The following GPRC5A variants were observed in gnomAD, a reference collection of about 807,000 sequenced individuals.
GPRC5A encodes G protein-coupled receptor class C group 5 member A.
A neutral mutation model predicts 22.5 loss-of-function variants in GPRC5A; 19 were observed. The ratio of observed to expected loss-of-function variants is 0.85; its 90% CI spans 0.59 to 1.24. GPRC5A has a LOEUF of 1.24. Ranked by LOEUF, GPRC5A falls within the 50% of genes most tolerant of loss-of-function variation. The pLI is 0.00. For synonymous variants in GPRC5A, 192 were observed against 184.5 expected, an observed-to-expected ratio of 1.04 and a Z score of -0.33; for missense variants, 471 against 451.1, an observed-to-expected ratio of 1.04 and a Z score of -0.40.
At position 12,913,607 on chromosome 12, in the gene GPRC5A, G is replaced by A. The variant is rs939068498; in HGVS notation, c.*1068G>A. The A allele has an allele frequency of 1.3e-5, 2 of 152,180 alleles. No individual in the cohort carries two copies. The highest frequency in any genetic ancestry group is 4.8e-5 in the African/African-American group (2 of 41,430). 9.4% of individuals were successfully genotyped at this position (152,180 alleles called of 1,614,324 possible). On this transcript the variant is annotated 3_prime_UTR_variant, in exon 4 of 4. Coordinates refer to ENST00000014914, the MANE Select transcript of GPRC5A (RefSeq NM_003979.4). ...TCATTGTATAATAAGTTATTCACCT[G>A]AGTATGCAATAAAGATGTGGTGGCC...
At chr12:12,904,026 G>A (rs1384205137) in intron 1 of GPRC5A, among the ~76,000 whole-genome samples, 1 of 152,234 alleles carries the variant, frequency 6.6e-6, no homozygotes, top group East Asian at 1.9e-4. Flanking sequence ...GGGGCAGGGA[G>A]AGGGAGAGAT....
At chr12:12,903,136 C>T (rs1454903967) in intron 1 of GPRC5A, among the ~76,000 whole-genome samples, 1 of 151,994 alleles carries the variant, frequency 6.6e-6, no homozygotes, top group Non-Finnish European at 1.5e-5. Context: ...ATGTCTGAGA[C>T]TTGCTTAAAA....
At position 12,909,067 on chromosome 12, in the gene GPRC5A, A is replaced by T. The variant is rs762864009; in HGVS notation, c.818A>T (p.Asn273Ile). The stretch of plus-strand genomic sequence containing the variant: ...TTTTGGCTGCTCACAAAGCAACGAA[A>T]CCCCATGGATTATCCTGTTGAGGAT... The part of the protein sequence containing the change: ...PEFWLLTKQR[N>I]PMDYPVEDAF... Residue 273 changes from asparagine (N) to isoleucine (I), a missense_variant, in exon 2 of 4, where the codon AAC becomes ATC. Asn to Ile is a moderately radical substitution (Grantham distance 149). Coordinates refer to ENST00000014914, the MANE Select transcript of GPRC5A (RefSeq NM_003979.4). The T allele has an allele frequency of 1.2e-6, 2 of 1,606,706 alleles. No individual in the cohort carries two copies. The highest frequency in any genetic ancestry group is 2.7e-5 in the African/African-American group (2 of 74,402).
rs1671177882 is a variant in GPRC5A, at chr12:12,917,207, T to G, written c.*4668T>G. 1 of 143,992 alleles carries G rather than the reference T, an allele frequency of 6.9e-6. No homozygotes were observed. The highest frequency in any genetic ancestry group is 2.6e-5 in the African/African-American group (1 of 37,882). 8.9% of individuals were successfully genotyped at this position (143,992 alleles called of 1,614,324 possible). A position where few individuals can be genotyped will look rare whatever the true frequency, so the allele number is the denominator to read the frequency against. On this transcript the variant is annotated 3_prime_UTR_variant, in exon 4 of 4. Transcript: ENST00000014914. ...CTTCAGGATGTTCCAAGGATGCTGCTGGATCTGTGTGTGTGTGTGTGTGTG... is the reference window on the plus strand; with the variant it reads ...CTTCAGGATGTTCCAAGGATGCTGCGGGATCTGTGTGTGTGTGTGTGTGTG...
chr12:12,892,864 C>G (rs1248449169), intron 1 of GPRC5A, among the ~76,000 whole-genome samples: 1 of 152,120 alleles, frequency 6.6e-6, no homozygotes. Context: ...AAGGGGAACA[C>G]TTCAGCTACT....
chr12:12,894,153 A>G (rs1344334884), intron 1 of GPRC5A, among the ~76,000 whole-genome samples: 1 of 152,210 alleles, frequency 6.6e-6, no homozygotes, highest in Non-Finnish European at 1.5e-5. Context: ...AGAGTCTTAA[A>G]TTGCTTATAA....
intron 1 of GPRC5A, among the ~76,000 whole-genome samples, chr12:12,906,478 G>A (rs777101785): frequency 3.3e-5 from 5 of 151,946 alleles, no homozygotes; most frequent in Non-Finnish European, 7.4e-5. Flanking sequence ...GCTGAGGTCG[G>A]GGGAGGATGG....
intron 1 of GPRC5A, among the ~76,000 whole-genome samples, chr12:12,893,241 G>A (rs1863782772): frequency 6.6e-6 from 1 of 152,162 alleles, no homozygotes; most frequent in Admixed American, 6.5e-5. Flanking sequence ...TTCGATTCTG[G>A]CCCCTCTCCA....
chr12:12,897,666 T>G (rs1158912445), intron 1 of GPRC5A, among the ~76,000 whole-genome samples: 2 of 150,716 alleles, frequency 1.3e-5, no homozygotes, highest in African/African-American at 4.9e-5. Flanking sequence ...TGGAGTGTAG[T>G]GGCGTGATCT....
intron 1 of GPRC5A, among the ~76,000 whole-genome samples, chr12:12,904,675 T>A (rs1180909308): frequency 6.6e-6 from 1 of 152,134 alleles, no homozygotes; most frequent in African/African-American, 2.4e-5. Flanking sequence ...TTCGGGAAGA[T>A]CGATTTAAGC....
At chr12:12,900,922 A>AC (rs1355361468) in intron 1 of GPRC5A, among the ~76,000 whole-genome samples, 62 of 143,760 alleles carry the variant, frequency 4.3e-4, no homozygotes, top group East Asian at 3.7e-3. Flanking sequence ...AACAAAAAAA[A>AC]AACAACCCAG....
intron 1 of GPRC5A, among the ~76,000 whole-genome samples, chr12:12,900,903 AAAAAAAAAAAC>A (rs1249729869): frequency 0.014 from 1,783 of 130,570 alleles, 72 homozygotes; most frequent in African/African-American, 0.055. Context: ...AAAAAAAAAA[AAAAAAAAAAAC>A]AAAAAAAAAA....
At chr12:12,911,221 A>G (rs570704670) in intron 2 of GPRC5A, among the ~76,000 whole-genome samples, 1 of 152,134 alleles carries the variant, frequency 6.6e-6, no homozygotes, top group Non-Finnish European at 1.5e-5. Flanking sequence ...AATTGGGCCC[A>G]TAAATTTGGT....
rs1864036045 is a variant in GPRC5A at position 12,914,358 on chromosome 12, G to A, written c.*1819G>A. 1 of 152,542 alleles carries A rather than the reference G, an allele frequency of 6.6e-6. No individual in the cohort carries two copies. The highest frequency in any genetic ancestry group is 1.5e-5 in the Non-Finnish European group (1 of 68,034). 9.4% of individuals were successfully genotyped at this position (152,542 alleles called of 1,614,324 possible). On this transcript the variant is annotated 3_prime_UTR_variant, in exon 4 of 4. Coordinates refer to ENST00000014914, the MANE Select transcript of GPRC5A (RefSeq NM_003979.4). ...TTCGCGCTAAGATTAGCCTGGCTTT[G>A]TACTGAAAAGGGGGAAGGACACATA...
chr12:12,916,430 C>T lies in GPRC5A; in HGVS notation c.*3891C>T, dbSNP rs1375721286. ...TAGATGGCGCTGACACTTCAGGCAT[C>T]AACCCTCATGGCCTCTCAGCCTTGC... On this transcript the variant is annotated 3_prime_UTR_variant, in exon 4 of 4. Coordinates refer to ENST00000014914, the MANE Select transcript of GPRC5A (RefSeq NM_003979.4). 6.6e-6 allele frequency: 1 copy of T among 152,268 alleles called. No individual in the cohort carries two copies. The highest frequency in any genetic ancestry group is 6.5e-5 in the Admixed American group (1 of 15,282). The allele number at this position is 152,268 out of a possible 1,614,324, so 9.4% of individuals were successfully genotyped here.
Position 12,916,258 on chromosome 12 carries a change from A to T in GPRC5A, c.*3719A>T, listed in dbSNP as rs1488335579. 1 of 153,442 alleles carries T rather than the reference A, an allele frequency of 6.5e-6. No individual in the cohort carries two copies. Among genetic ancestry groups the T allele is most frequent in the Non-Finnish European group, 1.5e-5 (1 of 68,700 alleles). The allele number at this position is 153,442 out of a possible 1,614,324, so 9.5% of individuals were successfully genotyped here. ...ATTGATGACTGGGAGCCAAAGTGGC[A>T]TCTCCTTTGACCTAAACGGGCGATG... On this transcript the variant is annotated 3_prime_UTR_variant, in exon 4 of 4. Coordinates refer to ENST00000014914, the MANE Select transcript of GPRC5A (RefSeq NM_003979.4).
At chr12:12,902,872 A>G (rs1863904115) in intron 1 of GPRC5A, among the ~76,000 whole-genome samples, 1 of 152,202 alleles carries the variant, frequency 6.6e-6, no homozygotes. Context: ...ATTTGAGACC[A>G]GCCTGATCAA....
chr12:12,907,066 A>AG (rs1013167273), intron 1 of GPRC5A, among the ~76,000 whole-genome samples: 3 of 151,106 alleles, frequency 2.0e-5, no homozygotes, highest in Non-Finnish European at 2.9e-5. Flanking sequence ...AAAAAAAAAA[A>AG]CAAAAACTCA....
rs2136465692 is a variant in GPRC5A, at chr12:12,916,074, CT to C, written c.*3536del. 4.0e-6 allele frequency: 1 copy of C among 249,222 alleles called. No individual in the cohort carries two copies. Among genetic ancestry groups the C allele is most frequent in the African/African-American group, 2.3e-5 (1 of 43,616 alleles). 15.4% of individuals were successfully genotyped at this position (249,222 alleles called of 1,614,324 possible). A position where few individuals can be genotyped will look rare whatever the true frequency, so the allele number is the denominator to read the frequency against. On this transcript the variant is annotated 3_prime_UTR_variant, in exon 4 of 4. Transcript: ENST00000014914. ...GAGAGGGTACCAAAGGATAGCTGTTCTGTTTAAGTAGGGACCTCTCATGGCC... is the reference window on the plus strand; with the variant it reads ...GAGAGGGTACCAAAGGATAGCTGTTCGTTTAAGTAGGGACCTCTCATGGCC...
Sources: gnomAD v4.1 joint callset for allele counts (sites outside exome capture counted in the v4.1 genomes callset) on GRCh38, gnomAD v4.1.1 for gene constraint, MANE v1.5 for transcripts, NCBI Gene and HGNC (gene_info 2026-07-23, HGNC 2026-07-21) for gene names.